XPNPEP3: variants seen among roughly 807,000 people sequenced by gnomAD.
The protein encoded by XPNPEP3 is X-prolyl aminopeptidase 3.
XPNPEP3 carries 41 observed loss-of-function variants against 60.0 expected under a neutral mutation model. That is an observed-to-expected ratio of 0.68 (90% confidence interval 0.53 to 0.89). The LOEUF (loss-of-function observed/expected upper bound fraction) is 0.89. XPNPEP3 is among the 40% of genes least tolerant of loss of function. The pLI, the probability that XPNPEP3 is intolerant of heterozygous loss-of-function variation, is 0.00. For synonymous variants in XPNPEP3, 212 were observed against 223.2 expected, an observed-to-expected ratio of 0.95 and a Z score of 0.45; for missense variants, 598 against 638.9, an observed-to-expected ratio of 0.94 and a Z score of 0.69.
rs1037256409 is a variant in XPNPEP3, at chr22:40,882,167, A to C, written c.579A>C (p.Pro193=). 3.1e-6 allele frequency: 5 copies of C among 1,614,066 alleles called. No homozygotes were observed. The African/African-American group carries it at 6.7e-5, about 22-fold the overall frequency. Residue 193 remains proline (P), a synonymous_variant, in exon 3 of 10, where the codon CCA becomes CCC. Transcript: ENST00000357137. ...YTLEEFQHLL[P]KMKAETNMVW... ...TAGAAGAATTTCAACATCTTCTACC[A>C]AAAATGAAAGGTAACAAATGGGAGC...
chr22:40,904,525 G>A (rs753408482), intron 4 of XPNPEP3, among the ~76,000 whole-genome samples: 3 of 151,898 alleles, frequency 2.0e-5, no homozygotes, highest in Non-Finnish European at 4.4e-5. Flanking sequence ...CTCCAGTGTG[G>A]GCAACATAGC....
intron 1 of XPNPEP3, chr22:40,860,177 A>G (rs1167491418): frequency 6.6e-6 from 1 of 152,292 alleles, no homozygotes; most frequent in African/African-American, 2.4e-5. Flanking sequence ...CCTGGGCTCA[A>G]GCAATCCTCC....
chr22:40,865,923 C>T (rs1368557527), intron 1 of XPNPEP3, among the ~76,000 whole-genome samples: 2 of 152,172 alleles, frequency 1.3e-5, no homozygotes, highest in Admixed American at 6.5e-5. Context: ...GTTCAGTCTC[C>T]CTGGGTAATA....
Position 40,881,991 on chromosome 22 carries a change from G to A in XPNPEP3, c.403G>A (p.Val135Ile). 1 of 1,613,978 alleles carries A rather than the reference G, an allele frequency of 6.2e-7. No individual in the cohort carries two copies. The highest frequency in any genetic ancestry group is 8.5e-7 in the Non-Finnish European group (1 of 1,180,008). Residue 135 changes from valine to isoleucine, a missense_variant, in exon 3 of 10, where the codon GTC (valine) becomes ATC (isoleucine). Val to Ile is a conservative substitution (Grantham distance 29). Coordinates refer to ENST00000357137, the MANE Select transcript of XPNPEP3 (RefSeq NM_022098.4). ...ATTCCAAGAGCCTGATAGCATTCTT[G>A]TCCTTCAGAGCCTCCCTGGCAAACA... ...CGFQEPDSIL[V>I]LQSLPGKQLP... is the part of the protein sequence containing the mutation.
chr22:40,913,128 T>G (rs2058182691), intron 6 of XPNPEP3, among the ~76,000 whole-genome samples: 1 of 152,130 alleles, frequency 6.6e-6, no homozygotes, highest in Admixed American at 6.6e-5. Context: ...AAGTTAGAGA[T>G]ATACTTAAAG....
chr22:40,868,964 A>T, intron 1 of XPNPEP3, 35 bp from the exon 2 acceptor site: 1 of 1,540,750 alleles, frequency 6.5e-7, no homozygotes, highest in Non-Finnish European at 9.0e-7. Context: ...TTCTAGATCT[A>T]TTGTTTCATT....
At chr22:40,925,100 G>A (rs1000445096) in intron 9 of XPNPEP3, among the ~76,000 whole-genome samples, 4 of 152,112 alleles carry the variant, frequency 2.6e-5, no homozygotes, top group East Asian at 1.9e-4. Context: ...CAAAGCCCCC[G>A]GTGCTTGTGT....
rs761099280 is a variant in XPNPEP3, at chr22:40,911,542, CT to C, written c.969+2321del. Among the ~76,000 whole-genome samples the C allele has an allele frequency of 2.2e-3, 308 of 137,432 alleles. 1 individual carries two copies. The highest frequency in any genetic ancestry group is 3.3e-3 in the African/African-American group (126 of 37,902). The allele number at this position is 137,432 out of a possible 152,430, so 90.2% of individuals were successfully genotyped here. A position where few individuals can be genotyped will look rare whatever the true frequency, so the allele number is the denominator to read the frequency against. On this transcript the variant is annotated intron_variant, in intron 6 of 9. Transcript: ENST00000357137. ...TATTGAGGCATTTTCTTTCTTCTTG[CT>C]TTTTTTTTTTTTTCAGATGGAGTTT...
At chr22:40,869,308 A>G (rs1169450354) in intron 2 of XPNPEP3, among the ~76,000 whole-genome samples, 193 bp downstream of exon 2, 1 of 152,120 alleles carries the variant, frequency 6.6e-6, no homozygotes, top group Non-Finnish European at 1.5e-5. Context: ...TTTAATTTTA[A>G]TTAATTTAAA....
At chr22:40,902,247 T>G (rs1255769115) in intron 4 of XPNPEP3, among the ~76,000 whole-genome samples, 1 of 43,748 alleles carries the variant, frequency 2.3e-5, no homozygotes, top group Non-Finnish European at 5.9e-5. Context: ...GCCTGGCTAA[T>G]TTTTTTTTTT....
intron 7 of XPNPEP3, among the ~76,000 whole-genome samples, chr22:40,918,792 TTG>T (rs775634003): frequency 3.6e-5 from 5 of 138,842 alleles, no homozygotes; most frequent in Admixed American, 7.1e-5. Flanking sequence ...GGTTTTTTTT[TTG>T]TTGTTGTTGT....
At chr22:40,870,794 G>T (rs1327351752) in intron 2 of XPNPEP3, among the ~76,000 whole-genome samples, 1 of 152,108 alleles carries the variant, frequency 6.6e-6, no homozygotes, top group Non-Finnish European at 1.5e-5. Context: ...CAAGGTGGGT[G>T]GATCACCTGA....
chr22:40,858,336 G>T (rs1447773220), intron 1 of XPNPEP3, among the ~76,000 whole-genome samples: 1 of 151,660 alleles, frequency 6.6e-6, no homozygotes. Context: ...CGAACTCCTG[G>T]CCTCAAGCGA....
At chr22:40,862,003 A>C (rs369175796) in intron 1 of XPNPEP3, 237 of 1,574,122 alleles carry the variant, frequency 1.5e-4, no homozygotes, top group Non-Finnish European at 1.9e-4. Flanking sequence ...ATGTTTTAAC[A>C]GATAGTTGGA....
intron 2 of XPNPEP3, among the ~76,000 whole-genome samples, chr22:40,877,030 CCT>C (rs1384547944): frequency 6.6e-6 from 1 of 152,202 alleles, no homozygotes; most frequent in East Asian, 1.9e-4. Context: ...TCAGTCTCCA[CCT>C]TCATAGGCAG....
intron 8 of XPNPEP3, among the ~76,000 whole-genome samples, chr22:40,922,771 G>A (rs766961679): frequency 1.2e-4 from 18 of 151,618 alleles, no homozygotes; most frequent in Non-Finnish European, 2.1e-4. Context: ...CACATACGTA[G>A]ATATATATAC....
intron 2 of XPNPEP3, among the ~76,000 whole-genome samples, chr22:40,872,532 C>T (rs978151189): frequency 6.6e-6 from 1 of 151,872 alleles, no homozygotes; most frequent in African/African-American, 2.4e-5. Context: ...CTCACTGCAA[C>T]CTCTGCCTCC....
intron 4 of XPNPEP3, among the ~76,000 whole-genome samples, chr22:40,906,178 C>T (rs907078247): frequency 3.9e-5 from 6 of 152,074 alleles, no homozygotes; most frequent in Admixed American, 1.3e-4. Flanking sequence ...TGAGCTCAAG[C>T]GATCCTCTCA....
intron 4 of XPNPEP3, among the ~76,000 whole-genome samples, chr22:40,894,983 A>G (rs1456074292): frequency 1.3e-5 from 2 of 152,196 alleles, no homozygotes; most frequent in African/African-American, 2.4e-5. Context: ...TATCAGGACT[A>G]TGATTATAGC....
Sources: gnomAD v4.1 joint callset for allele counts (sites outside exome capture counted in the v4.1 genomes callset) on GRCh38, gnomAD v4.1.1 for gene constraint, MANE v1.5 for transcripts, NCBI Gene and HGNC (gene_info 2026-07-23, HGNC 2026-07-21) for gene names.